The following BMPR1A variants were observed in gnomAD, a reference collection of about 807,000 sequenced individuals.
The protein encoded by BMPR1A is bone morphogenetic protein receptor type-1A.
Under a neutral mutation model 66.0 loss-of-function variants are expected in BMPR1A, and 7 were observed. The ratio of observed to expected loss-of-function variants is 0.11; its 90% CI spans 0.06 to 0.20. The LOEUF is 0.20. Among genes scored for constraint, BMPR1A ranks in the 10% least tolerant of loss-of-function variants. The pLI is 1.00. For missense variants in BMPR1A, 408 were observed against 669.1 expected (o/e 0.61, Z 4.31); for synonymous variants, 200 against 229.7 (o/e 0.87, Z 1.17).
At chr10:86,900,760 G>A (rs1257863008) in intron 7 of BMPR1A, among the ~76,000 whole-genome samples, 2 of 152,134 alleles carry the variant, frequency 1.3e-5, no homozygotes, top group African/African-American at 2.4e-5. Context: ...TTGAGAAATC[G>A]TGTTTTGGGT....
chr10:86,853,566 C>T (rs998546304), intron 2 of BMPR1A, among the ~76,000 whole-genome samples: 1 of 151,652 alleles, frequency 6.6e-6, no homozygotes, highest in Non-Finnish European at 1.5e-5. Context: ...GAACCTGCCC[C>T]GATAGTCATG....
intron 3 of BMPR1A, among the ~76,000 whole-genome samples, chr10:86,877,851 T>C (rs1842939063): frequency 6.6e-6 from 1 of 152,216 alleles, no homozygotes. Context: ...AGATCACACG[T>C]AGGCAATATG....
intron 1 of BMPR1A, among the ~76,000 whole-genome samples, chr10:86,792,645 C>T (rs1327223565): frequency 6.6e-6 from 1 of 152,074 alleles, no homozygotes. Context: ...AACAAACAAA[C>T]AAACAGAACT....
In BMPR1A at chr10:86,809,595, C is replaced by CTTTTTTTTTTT. The variant is rs71019431; in HGVS notation, c.-267-29263_-267-29253dup. ...AGGAGTAAGGCACCACACCCGACCTCTTTTTTTTTTTTTTTTTCTCTTTTT... is the reference window on the plus strand; with the variant it reads ...AGGAGTAAGGCACCACACCCGACCTCTTTTTTTTTTTTTTTTTTTTTTTTTTTTCTCTTTTT... On this transcript the variant is annotated intron_variant, in intron 1 of 12. Transcript: ENST00000372037. Among the ~76,000 whole-genome samples, 3 of 123,892 alleles carry CTTTTTTTTTTT rather than the reference C, an allele frequency of 2.4e-5. 1 individual carries two copies. Among genetic ancestry groups the CTTTTTTTTTTT allele is most frequent in the African/African-American group, 6.3e-5 (2 of 31,608 alleles). The allele number at this position is 123,892 out of a possible 152,430, so 81.3% of individuals were successfully genotyped here. A position where few individuals can be genotyped will look rare whatever the true frequency, so the allele number is the denominator to read the frequency against.
chr10:86,812,514 T>G (rs1841985128), intron 1 of BMPR1A, among the ~76,000 whole-genome samples: 1 of 152,166 alleles, frequency 6.6e-6, no homozygotes, highest in Non-Finnish European at 1.5e-5. Flanking sequence ...TAGGTTACAT[T>G]TCACCAGCTA....
chr10:86,762,799 A>T (rs1418000026), intron 1 of BMPR1A, among the ~76,000 whole-genome samples: 1 of 152,216 alleles, frequency 6.6e-6, no homozygotes, highest in Admixed American at 6.5e-5. Flanking sequence ...GCTGTTCAGG[A>T]TGCGGGTACT....
At chr10:86,765,381 G>A (rs1454458505) in intron 1 of BMPR1A, among the ~76,000 whole-genome samples, 1 of 151,134 alleles carries the variant, frequency 6.6e-6, no homozygotes, top group Non-Finnish European at 1.5e-5. Flanking sequence ...GTACTCAGGA[G>A]GCTAAGACAG....
rs561338254 is a variant in BMPR1A, at chr10:86,857,245, G to T, written c.-153+18266G>T. Among the ~76,000 whole-genome samples the T allele has an allele frequency of 2.0e-5, 3 of 152,176 alleles. No individual in the cohort carries two copies. In the South Asian group the frequency reaches 6.2e-4, roughly 32 times the overall value. On this transcript the variant is annotated intron_variant, in intron 2 of 12. Transcript: ENST00000372037. The stretch of plus-strand genomic sequence containing the variant: ...GACCCCATTCTGAGTCATCTTGTTA[G>T]CATAATCTCCCCCATTCTGAGTCAA...
intron 7 of BMPR1A, among the ~76,000 whole-genome samples, chr10:86,910,738 T>C (rs557043337): frequency 2.6e-5 from 4 of 152,342 alleles, no homozygotes; most frequent in African/African-American, 9.6e-5. Context: ...TGGAAAATAC[T>C]TTAATTTGTT....
intron 1 of BMPR1A, among the ~76,000 whole-genome samples, chr10:86,834,252 C>G (rs774373013): frequency 1.3e-5 from 2 of 152,160 alleles, no homozygotes; most frequent in Non-Finnish European, 2.9e-5. Context: ...TCTGTTATCT[C>G]TTCTGGAAGA....
intron 2 of BMPR1A, among the ~76,000 whole-genome samples, chr10:86,842,040 G>A (rs2133128611): frequency 6.6e-6 from 1 of 152,268 alleles, no homozygotes; most frequent in African/African-American, 2.4e-5. Flanking sequence ...CAAACTAATA[G>A]AACCTGAAAA....
At chr10:86,799,511 T>C (rs28493016) in intron 1 of BMPR1A, among the ~76,000 whole-genome samples, 5,406 of 51,142 alleles carry the variant, frequency 0.11, 296 homozygotes, top group African/African-American at 0.29. Flanking sequence ...CCTTCCTTTC[T>C]TTTCTTTTCT....
chr10:86,770,694 A>G (rs557423193), intron 1 of BMPR1A, among the ~76,000 whole-genome samples: 16 of 152,256 alleles, frequency 1.1e-4, no homozygotes, highest in African/African-American at 3.9e-4. Flanking sequence ...ATTTGAAGAG[A>G]AAGGAGGTGA....
chr10:86,788,753 G>A (rs1035819331), intron 1 of BMPR1A, among the ~76,000 whole-genome samples: 4 of 151,998 alleles, frequency 2.6e-5, no homozygotes, highest in East Asian at 1.9e-4. Context: ...GATTACAGGT[G>A]CCTGCACCAT....
chr10:86,774,749 A>G (rs955724182), intron 1 of BMPR1A, among the ~76,000 whole-genome samples: 1 of 152,240 alleles, frequency 6.6e-6, no homozygotes, highest in African/African-American at 2.4e-5. Flanking sequence ...AGCTAGCCCA[A>G]GATTCAAGGA....
chr10:86,857,133 A>G (rs1454833545), intron 2 of BMPR1A, among the ~76,000 whole-genome samples: 4 of 152,158 alleles, frequency 2.6e-5, no homozygotes, highest in African/African-American at 9.7e-5. Context: ...ATTGAACTCA[A>G]ACTTTCAGTG....
chr10:86,783,666 G>A (rs1841470341), intron 1 of BMPR1A, among the ~76,000 whole-genome samples: 1 of 152,128 alleles, frequency 6.6e-6, no homozygotes, highest in Admixed American at 6.6e-5. Context: ...ATGGCTCACT[G>A]CCACCTCCCA....
chr10:86,767,122 A>T (rs1218079947), intron 1 of BMPR1A, among the ~76,000 whole-genome samples: 1 of 152,148 alleles, frequency 6.6e-6, no homozygotes, highest in Non-Finnish European at 1.5e-5. Context: ...ACGCCCGGCC[A>T]TATCAGTCTG....
At chr10:86,842,833 C>G (rs575963888) in intron 2 of BMPR1A, among the ~76,000 whole-genome samples, 3 of 152,014 alleles carry the variant, frequency 2.0e-5, no homozygotes, top group Non-Finnish European at 2.9e-5. Context: ...AAACCTCTTA[C>G]AAAATCATCA....
Sources: allele counts gnomAD v4.1 joint callset (sites outside exome capture counted in the v4.1 genomes callset), GRCh38; gene constraint gnomAD v4.1.1; transcripts MANE v1.5; gene names NCBI Gene and HGNC (gene_info 2026-07-23, HGNC 2026-07-21).